The following CENPP variants were observed in gnomAD, a reference collection of about 807,000 sequenced individuals.
The protein encoded by CENPP is centromere protein P.
In CENPP, 24 loss-of-function variants were observed where a neutral mutation model predicts 35.6. That is an observed-to-expected ratio of 0.67 (90% CI 0.49 to 0.95). CENPP has a LOEUF of 0.95. Among genes scored for constraint, CENPP ranks in the 40% least tolerant of loss-of-function variants. The probability of loss-of-function intolerance (pLI) is 0.00; values close to 1 mark genes in which losing one functional copy is unlikely to be tolerated. For missense variants in CENPP, 332 were observed against 345.3 expected (o/e 0.96, Z 0.31); for synonymous variants, 120 against 125.5 (o/e 0.96, Z 0.29).
intron 3 of CENPP, among the ~76,000 whole-genome samples, chr9:92,342,025 T>G (rs1420921333): frequency 1.3e-5 from 2 of 152,242 alleles, no homozygotes; most frequent in Non-Finnish European, 2.9e-5. Flanking sequence ...TTGTAAGTTT[T>G]CAAGGGCTAA....
intron 4 of CENPP, among the ~76,000 whole-genome samples, chr9:92,367,236 G>A (rs1401356126): frequency 3.3e-5 from 5 of 151,902 alleles, no homozygotes; most frequent in South Asian, 2.1e-4. Flanking sequence ...GCACAATCTC[G>A]GCTCACTACA....
At chr9:92,477,587 C>A (rs1001105763) in intron 5 of CENPP, among the ~76,000 whole-genome samples, 2 of 152,098 alleles carry the variant, frequency 1.3e-5, no homozygotes, top group Non-Finnish European at 2.9e-5. Context: ...CTGTTTCTGG[C>A]TTTCTTTGAG....
intron 5 of CENPP, among the ~76,000 whole-genome samples, chr9:92,416,058 G>GTGTATATATA (rs6151074): frequency 3.1e-5 from 4 of 130,916 alleles, no homozygotes; most frequent in East Asian, 2.2e-4. Context: ...ATATATGTGT[G>GTGTATATATA]TATATATATA....
At chr9:92,351,106 G>A (rs1001279649) in intron 4 of CENPP, among the ~76,000 whole-genome samples, 1 of 152,110 alleles carries the variant, frequency 6.6e-6, no homozygotes, top group African/African-American at 2.4e-5. Context: ...ACTCAACCAT[G>A]TTAAAGAGTA....
At chr9:92,596,932 AAGTG>A (rs901367027) in intron 5 of CENPP, among the ~76,000 whole-genome samples, 1 of 152,050 alleles carries the variant, frequency 6.6e-6, no homozygotes, top group African/African-American at 2.4e-5. Context: ...GATTGGGAAA[AAGTG>A]AGCAAATTTT....
intron 5 of CENPP, among the ~76,000 whole-genome samples, chr9:92,591,910 C>T (rs1415328795): frequency 6.6e-6 from 1 of 152,028 alleles, no homozygotes; most frequent in African/African-American, 2.4e-5. Context: ...TTTTATGCTT[C>T]ATGAGGTCAG....
intron 5 of CENPP, among the ~76,000 whole-genome samples, chr9:92,490,280 TACTC>T (rs139430450): frequency 1.8e-4 from 28 of 152,362 alleles, no homozygotes; most frequent in African/African-American, 6.3e-4. Flanking sequence ...AGAGCCAAGA[TACTC>T]ATTATTGTTT....
chr9:92,401,244 A>G, intron 5 of CENPP: 1 of 791,252 alleles, frequency 1.3e-6, no homozygotes, highest in South Asian at 1.5e-5. Context: ...TCTCTGTAAA[A>G]TGAAGGGATC....
intron 5 of CENPP, among the ~76,000 whole-genome samples, chr9:92,596,804 C>A (rs886214169): frequency 1.3e-5 from 2 of 149,830 alleles, no homozygotes; most frequent in South Asian, 2.3e-4. Context: ...TTTTTTATAA[C>A]CTTCCTCTAT....
chr9:92,355,096 A>G (rs947367608), intron 4 of CENPP, among the ~76,000 whole-genome samples: 5 of 152,210 alleles, frequency 3.3e-5, no homozygotes, highest in African/African-American at 1.2e-4. Flanking sequence ...GTCTTGATAA[A>G]CATCTTAAAC....
intron 5 of CENPP, among the ~76,000 whole-genome samples, chr9:92,570,018 A>G (rs189365594): frequency 6.2e-4 from 94 of 152,328 alleles, no homozygotes; most frequent in African/African-American, 2.1e-3. Context: ...AAATCATGTC[A>G]TCTGCAAATG....
At chr9:92,558,545 A>C (rs1040495238) in intron 5 of CENPP, among the ~76,000 whole-genome samples, 11 of 152,124 alleles carry the variant, frequency 7.2e-5, no homozygotes, top group African/African-American at 2.7e-4. Flanking sequence ...TGGAGGTGGC[A>C]GAGGGTGCAA....
At chr9:92,514,854 C>G in intron 5 of CENPP, 1 of 1,612,534 alleles carries the variant, frequency 6.2e-7, no homozygotes, top group Non-Finnish European at 8.5e-7. Context: ...CCTCACCCTC[C>G]TCCTCCTCAT....
chr9:92,482,736 T>C (rs1161855149), intron 5 of CENPP, among the ~76,000 whole-genome samples: 1 of 152,236 alleles, frequency 6.6e-6, no homozygotes. Context: ...ATTTGTAAAT[T>C]ACAATTTCAA....
chr9:92,454,185 A>G (rs1370016237), intron 5 of CENPP, among the ~76,000 whole-genome samples: 3 of 152,164 alleles, frequency 2.0e-5, no homozygotes, highest in Non-Finnish European at 2.9e-5. Context: ...GATTTTTATT[A>G]GTGATTTGTT....
chr9:92,416,104 T>A (rs1443050958), intron 5 of CENPP, among the ~76,000 whole-genome samples: 1 of 132,110 alleles, frequency 7.6e-6, no homozygotes, highest in Non-Finnish European at 1.6e-5. Context: ...ATTTATTTTA[T>A]TTTTTTTTTT....
chr9:92,595,560 TTTG>T (rs1850759892), intron 5 of CENPP, among the ~76,000 whole-genome samples: 1 of 151,550 alleles, frequency 6.6e-6, no homozygotes, highest in African/African-American at 2.4e-5. Flanking sequence ...GTTTTTTGTT[TTTG>T]TTTTGTTTTT....
In CENPP at chr9:92,567,391, T is replaced by TATAG. The variant is rs1554688298; in HGVS notation, c.565-43920_565-43919insGATA. ...TAAGATAGATATATATATATATATA[T>TATAG]ATATAGATATATATATAAAGTGGTT... is the stretch of plus-strand genomic sequence containing the variant. On this transcript the variant is annotated intron_variant, in intron 5 of 7. Transcript: ENST00000375587. Among the ~76,000 whole-genome samples, 51 of 98,374 alleles carry TATAG rather than the reference T, an allele frequency of 5.2e-4. 3 individuals are homozygous for TATAG. The highest frequency in any genetic ancestry group is 7.6e-4 in the Non-Finnish European group (38 of 50,066). The allele number at this position is 98,374 out of a possible 152,430, so 64.5% of individuals were successfully genotyped here. A position where few individuals can be genotyped will look rare whatever the true frequency, so the allele number is the denominator to read the frequency against.
At chr9:92,427,818 T>A (rs1844006848) in intron 5 of CENPP, among the ~76,000 whole-genome samples, 1 of 152,098 alleles carries the variant, frequency 6.6e-6, no homozygotes, top group Non-Finnish European at 1.5e-5. Context: ...CAGAAACTAT[T>A]TTAAGTAGTT....
Sources: gnomAD v4.1 joint callset for allele counts (sites outside exome capture counted in the v4.1 genomes callset) on GRCh38, gnomAD v4.1.1 for gene constraint, MANE v1.5 for transcripts, NCBI Gene and HGNC (gene_info 2026-07-23, HGNC 2026-07-21) for gene names.